WFDC8: variants seen among roughly 807,000 people sequenced by gnomAD.
The protein encoded by WFDC8 is WAP four-disulfide core domain protein 8.
A neutral mutation model predicts 27.0 loss-of-function variants in WFDC8; 24 were observed. The observed-to-expected ratio is 0.89, with a 90% CI of 0.64 to 1.25. The LOEUF (loss-of-function observed/expected upper bound fraction) is 1.25, where lower values mean the gene tolerates loss of function less well. Ranked by LOEUF, WFDC8 falls within the 50% of genes most tolerant of loss-of-function variation. The pLI, the probability that WFDC8 is intolerant of heterozygous loss-of-function variation, is 0.00. For missense variants in WFDC8, 287 were observed against 295.9 expected (o/e 0.97, Z 0.22); for synonymous variants, 106 against 99.7 (o/e 1.06, Z -0.38).
intron 5 of WFDC8, among the ~76,000 whole-genome samples, chr20:45,552,435 A>G (rs12481362): frequency 0.38 from 58,277 of 152,040 alleles, 11,644 homozygotes; most frequent in Non-Finnish European, 0.43. Context: ...TCTGGGTTAT[A>G]TAACCCCAGA....
intron 1 of WFDC8, among the ~76,000 whole-genome samples, chr20:45,577,172 C>A (rs1443224254): frequency 2.2e-4 from 34 of 151,270 alleles, no homozygotes; most frequent in Admixed American, 2.2e-3. Flanking sequence ...TTTTTGCAGT[C>A]TACTTAGTGT....
Position 45,552,171 on chromosome 20 carries a change from T to C in WFDC8, c.587-6A>G, listed in dbSNP as rs374993860. On this transcript the variant is annotated splice_region_variant and splice_polypyrimidine_tract_variant and intron_variant, in intron 5 of 5. Transcript: ENST00000289953. ...TGGGCAGAAACCTTTTTTGACTTTA[T>C]GGGGTAAAAGAAAACACTTGACCTT... 67 of 1,612,838 alleles carry C rather than the reference T, an allele frequency of 4.2e-5. No individual in the cohort carries two copies. In the African/African-American group the frequency reaches 7.5e-4, roughly 18 times the overall value.
chr20:45,573,776 G>A (rs986641542), intron 1 of WFDC8, among the ~76,000 whole-genome samples: 2 of 152,114 alleles, frequency 1.3e-5, no homozygotes, highest in Non-Finnish European at 2.9e-5. Context: ...ATTTATCAGA[G>A]ACAGTCTCCA....
chr20:45,562,032 T>C, intron 2 of WFDC8, 78 bp downstream of exon 2: 4 of 1,344,786 alleles, frequency 3.0e-6, no homozygotes, highest in African/African-American at 1.4e-5. Context: ...CATCTGACAC[T>C]GGCACTGGCC....
chr20:45,552,503 G>T (rs1357860622), intron 5 of WFDC8, among the ~76,000 whole-genome samples: 1 of 152,180 alleles, frequency 6.6e-6, no homozygotes, highest in Non-Finnish European at 1.5e-5. Flanking sequence ...CAAATTGTAG[G>T]CATTGAGGCG....
At position 45,557,132 on chromosome 20, in the gene WFDC8, G is replaced by A. The variant is rs148284829; in HGVS notation, c.278-1264C>T. Among the ~76,000 whole-genome samples the A allele has an allele frequency of 3.3e-3, 501 of 152,234 alleles. 3 individuals carry two copies. Among genetic ancestry groups the A allele is most frequent in the African/African-American group, 0.011 (470 of 41,522 alleles). On this transcript the variant is annotated intron_variant, in intron 3 of 5. Coordinates refer to ENST00000289953, the MANE Select transcript of WFDC8 (RefSeq NM_130896.3). The stretch of plus-strand genomic sequence containing the variant: ...TCTCTGCCACAACGCCCAACCACAC[G>A]TCACACAACCAACACAAAAGTGGAA...
At chr20:45,568,159 G>T (rs914342049) in intron 1 of WFDC8, 1 of 331,098 alleles carries the variant, frequency 3.0e-6, no homozygotes, top group Non-Finnish European at 6.1e-6. Flanking sequence ...TTTCCAACTG[G>T]TATACTGTCC....
Position 45,553,238 on chromosome 20 carries a change from G to A in WFDC8, c.484C>T (p.Arg162Cys), listed in dbSNP as rs761627877. Residue 162 changes from arginine (R) to cysteine (C), a missense_variant, in exon 5 of 6, where the codon CGT becomes TGT. Coordinates refer to ENST00000289953, the MANE Select transcript of WFDC8 (RefSeq NM_130896.3). ...GQCPLFPFTERKECPPSCHSD... is the reference protein window; with the variant it reads ...GQCPLFPFTECKECPPSCHSD... ...TGACATGAAGGTGGACACTCCTTAC[G>A]TTCAGTGAAAGGGAAGAGTGGGCAT... 1.2e-5 allele frequency: 19 copies of A among 1,613,688 alleles called. No individual in the cohort carries two copies. Among genetic ancestry groups the A allele is most frequent in the Middle Eastern group, 1.6e-4 (1 of 6,078 alleles).
chr20:45,577,468 G>GGCTCGCTGCAACCTCC (rs1322746567), intron 1 of WFDC8, among the ~76,000 whole-genome samples: 2 of 149,506 alleles, frequency 1.3e-5, no homozygotes, highest in East Asian at 4.0e-4. Flanking sequence ...GTGCGATCTC[G>GGCTCGCTGCAACCTCC]GCTCGCTGCA....
At chr20:45,560,055 G>A (rs995185262) in intron 2 of WFDC8, among the ~76,000 whole-genome samples, 17 of 152,184 alleles carry the variant, frequency 1.1e-4, no homozygotes, top group African/African-American at 4.1e-4. Flanking sequence ...TTTAAGATTA[G>A]AGATTATCTC....
In WFDC8 at chr20:45,555,693, G is replaced by T. The variant is rs953483796; in HGVS notation, c.445+8C>A. 2 of 1,612,116 alleles carry T rather than the reference G, an allele frequency of 1.2e-6. No individual in the cohort carries two copies. Among genetic ancestry groups the T allele is most frequent in the African/African-American group, 2.7e-5 (2 of 74,952 alleles). ...TAGACCCTCAGATTTCCAGGATAGA[G>T]GTCTCACCAATTAACATGCAGGCCG... On this transcript the variant is annotated splice_region_variant and intron_variant, in intron 4 of 5. Coordinates refer to ENST00000289953, the MANE Select transcript of WFDC8 (RefSeq NM_130896.3).
intron 5 of WFDC8, among the ~76,000 whole-genome samples, 187 bp from the exon 6 acceptor site, chr20:45,552,352 T>C (rs917397302): frequency 6.6e-6 from 1 of 152,196 alleles, no homozygotes; most frequent in African/African-American, 2.4e-5. Flanking sequence ...TTGAGGAGCA[T>C]CAAGAAAAGT....
At chr20:45,563,575 G>C (rs1980545737) in intron 1 of WFDC8, among the ~76,000 whole-genome samples, 1 of 152,182 alleles carries the variant, frequency 6.6e-6, no homozygotes, top group Admixed American at 6.5e-5. Flanking sequence ...ATGACAAGTG[G>C]CTTGTAAATC....
intron 2 of WFDC8, among the ~76,000 whole-genome samples, chr20:45,560,297 ACT>A (rs945529577): frequency 2.6e-5 from 4 of 152,096 alleles, no homozygotes; most frequent in East Asian, 1.9e-4. Context: ...CAAGGAAATG[ACT>A]CTACTACAAC....
intron 1 of WFDC8, among the ~76,000 whole-genome samples, chr20:45,570,519 G>A (rs1052708451): frequency 2.0e-5 from 3 of 151,950 alleles, no homozygotes; most frequent in Non-Finnish European, 4.4e-5. Context: ...GCTGAATTTT[G>A]TCCATTCTAT....
At chr20:45,556,262 G>C (rs1980244937) in intron 3 of WFDC8, among the ~76,000 whole-genome samples, 2 of 152,136 alleles carry the variant, frequency 1.3e-5, no homozygotes, top group African/African-American at 4.8e-5. Context: ...AAATAAATGT[G>C]GTTATATCAT....
intron 2 of WFDC8, 147 bp from the exon 3 acceptor site, chr20:45,559,139 C>T: frequency 1.0e-6 from 1 of 987,320 alleles, no homozygotes; most frequent in African/African-American, 1.6e-5. Context: ...GGGGCTAGTT[C>T]TGTTTCTCAG....
Position 45,555,741 on chromosome 20 carries a change from G to A in WFDC8, c.405C>T (p.Phe135=). 6.2e-7 allele frequency: 1 copy of A among 1,613,000 alleles called. No homozygotes were observed. Among genetic ancestry groups the A allele is most frequent in the Non-Finnish European group, 8.5e-7 (1 of 1,180,010 alleles). Residue 135 remains phenylalanine, a synonymous_variant, in exon 4 of 6, where the codon TTC becomes TTT. Coordinates refer to ENST00000289953, the MANE Select transcript of WFDC8 (RefSeq NM_130896.3). ...CCGTTCTGCAGGCATCCTCATTTAA[G>A]AAGTTGTTGGCATTCCCTTCGCAGC... is the stretch of plus-strand genomic sequence containing the variant. ...YRGCEGNANN[F]LNEDACRTAC...
At chr20:45,562,071 C>G (rs760115096) in intron 2 of WFDC8, 39 bp downstream of exon 2, 14 of 1,583,434 alleles carry the variant, frequency 8.8e-6, no homozygotes, top group Non-Finnish European at 1.2e-5. Context: ...CCCAATAATG[C>G]TTTCTAAGGA....
Sources: gnomAD v4.1 joint callset for allele counts (sites outside exome capture counted in the v4.1 genomes callset) on GRCh38, gnomAD v4.1.1 for gene constraint, MANE v1.5 for transcripts, NCBI Gene and HGNC (gene_info 2026-07-23, HGNC 2026-07-21) for gene names.